DLC1: variants seen among roughly 807,000 people sequenced by gnomAD.
DLC1 encodes the protein rho GTPase-activating protein 7.
DLC1 carries 54 observed loss-of-function variants against 140.3 expected under a neutral mutation model. The ratio of observed to expected loss-of-function variants is 0.38; its 90% CI spans 0.31 to 0.48. The LOEUF (loss-of-function observed/expected upper bound fraction) is 0.48, where lower values mean the gene tolerates loss of function less well. Among genes scored for constraint, DLC1 ranks in the 20% least tolerant of loss-of-function variants. The pLI is 0.96. For missense variants in DLC1, 2,536 were observed against 1,907.0 expected, an observed-to-expected ratio of 1.33 and a Z score of -6.14; for synonymous variants, 986 against 728.1, an observed-to-expected ratio of 1.35 and a Z score of -5.70.
chr8:13,125,003 G>C (rs761099291), intron 5 of DLC1, among the ~76,000 whole-genome samples: 2 of 151,128 alleles, frequency 1.3e-5, no homozygotes, highest in African/African-American at 4.9e-5. Context: ...TTGAGACAGA[G>C]TCTCACTGTG....
At chr8:13,159,661 A>C (rs1010531005) in intron 5 of DLC1, among the ~76,000 whole-genome samples, 2 of 152,056 alleles carry the variant, frequency 1.3e-5, no homozygotes, top group South Asian at 2.1e-4. Context: ...GGTACTACAG[A>C]ACAGAGCCCA....
chr8:13,180,341 G>A (rs909646969), intron 5 of DLC1, among the ~76,000 whole-genome samples: 1 of 151,970 alleles, frequency 6.6e-6, no homozygotes, highest in Non-Finnish European at 1.5e-5. Context: ...CCTTTTTTGT[G>A]TGTGTCACAC....
Position 13,547,980 on chromosome 8 carries a change from C to G in DLC1, c.-125-47784G>C, listed in dbSNP as rs575667529. Among the ~76,000 whole-genome samples, 5 of 152,124 alleles carry G rather than the reference C, an allele frequency of 3.3e-5. No homozygotes were observed. The East Asian group carries it at 9.7e-4, about 29-fold the overall frequency. The stretch of plus-strand genomic sequence containing the variant: ...CACCTTTAAAAATTATTCTCAACCA[C>G]CTATAGTTCTACATGCATGAATTTA... On this transcript the variant is annotated intron_variant, in intron 1 of 1. Transcript: ENST00000631382.
In DLC1 at chr8:13,238,615, G is replaced by C. The variant is rs537416086; in HGVS notation, c.1348+66654C>G. Among the ~76,000 whole-genome samples, 4 of 152,210 alleles carry C rather than the reference G, an allele frequency of 2.6e-5. 1 individual carries two copies. The South Asian group carries it at 8.3e-4, about 32-fold the overall frequency. On this transcript the variant is annotated intron_variant, in intron 5 of 17. Coordinates refer to ENST00000276297, the MANE Select transcript of DLC1 (RefSeq NM_182643.3). ...CAGTACCCTTTAACAATTAGAAAAAGGCCTCCCTTCCTTAATCAGCTCCCC... is the reference window on the plus strand; with the variant it reads ...CAGTACCCTTTAACAATTAGAAAAACGCCTCCCTTCCTTAATCAGCTCCCC...
intron 5 of DLC1, among the ~76,000 whole-genome samples, chr8:13,249,155 C>A (rs1307436824): frequency 6.6e-6 from 1 of 152,322 alleles, no homozygotes. Flanking sequence ...TCGCTCACTG[C>A]AACCTCTGCC....
At chr8:13,542,855 A>G (rs1161468322) in intron 1 of DLC1, among the ~76,000 whole-genome samples, 1 of 152,100 alleles carries the variant, frequency 6.6e-6, no homozygotes, top group Non-Finnish European at 1.5e-5. Flanking sequence ...TGGTTCTAAT[A>G]ACTTTTTTGT....
At chr8:13,112,769 A>G (rs1417149472) in intron 6 of DLC1, among the ~76,000 whole-genome samples, 2 of 151,944 alleles carry the variant, frequency 1.3e-5, no homozygotes, top group African/African-American at 2.4e-5. Context: ...TTGGCCTTGA[A>G]CTCCTGGCCT....
chr8:13,462,370 A>G (rs960636399), intron 2 of DLC1, among the ~76,000 whole-genome samples: 1 of 151,966 alleles, frequency 6.6e-6, no homozygotes, highest in Admixed American at 6.6e-5. Context: ...TATCCTGAAC[A>G]AGAGGAATAA....
intron 1 of DLC1, among the ~76,000 whole-genome samples, chr8:13,556,584 G>C (rs1295626775): frequency 1.3e-5 from 2 of 152,116 alleles, no homozygotes; most frequent in African/African-American, 2.4e-5. Context: ...TCTGGGCAGA[G>C]GTCATAAGCA....
intron 2 of DLC1, among the ~76,000 whole-genome samples, chr8:13,462,627 C>T (rs956503554): frequency 6.6e-6 from 1 of 152,042 alleles, no homozygotes; most frequent in African/African-American, 2.4e-5. Context: ...AGGATGGTCT[C>T]GATCTCCTGA....
At chr8:13,590,864 A>G (rs904159249) in intron 1 of DLC1, among the ~76,000 whole-genome samples, 6 of 152,160 alleles carry the variant, frequency 3.9e-5, no homozygotes. Flanking sequence ...CTTAAGCACA[A>G]ATACAAATAT....
chr8:13,565,696 A>G (rs1161139930), intron 1 of DLC1, among the ~76,000 whole-genome samples: 1 of 152,168 alleles, frequency 6.6e-6, no homozygotes, highest in Non-Finnish European at 1.5e-5. Flanking sequence ...AAACACAGGA[A>G]GAAAGAGAGA....
intron 2 of DLC1, among the ~76,000 whole-genome samples, chr8:13,470,962 C>T (rs767433673): frequency 1.3e-5 from 2 of 151,974 alleles, no homozygotes; most frequent in South Asian, 2.1e-4. Flanking sequence ...TATTATTTAG[C>T]CAAAAATAGA....
intron 1 of DLC1, among the ~76,000 whole-genome samples, chr8:13,539,777 TAC>T (rs1308626028): frequency 3.3e-5 from 5 of 151,488 alleles, no homozygotes; most frequent in Non-Finnish European, 5.9e-5. Flanking sequence ...TGTGTGTGTG[TAC>T]ATTTTATAGT....
chr8:13,526,809 T>G (rs1233096565), intron 1 of DLC1, among the ~76,000 whole-genome samples: 1 of 152,078 alleles, frequency 6.6e-6, no homozygotes, highest in African/African-American at 2.4e-5. Flanking sequence ...CATTAGGAGA[T>G]ATACCTAATG....
intron 2 of DLC1, among the ~76,000 whole-genome samples, chr8:13,471,702 G>T (rs957787149): frequency 2.0e-5 from 3 of 151,946 alleles, no homozygotes; most frequent in African/African-American, 4.8e-5. Context: ...TAAAAAAAGA[G>T]AGAAGGGAGA....
At chr8:13,250,129 G>A (rs1829940243) in intron 5 of DLC1, among the ~76,000 whole-genome samples, 1 of 152,170 alleles carries the variant, frequency 6.6e-6, no homozygotes, top group Admixed American at 6.5e-5. Flanking sequence ...CCTGGAACAT[G>A]GAATAGGATC....
At chr8:13,444,300 G>A (rs545821369) in intron 2 of DLC1, among the ~76,000 whole-genome samples, 5 of 152,238 alleles carry the variant, frequency 3.3e-5, no homozygotes, top group Admixed American at 6.5e-5. Flanking sequence ...GGGCCTGACC[G>A]GTGGTGCGGG....
chr8:13,289,150 A>T (rs1017048716), intron 5 of DLC1, among the ~76,000 whole-genome samples: 1 of 152,038 alleles, frequency 6.6e-6, no homozygotes, highest in African/African-American at 2.4e-5. Context: ...GTGCTCTATA[A>T]TTCCTTCACC....
Sources: allele counts gnomAD v4.1 joint callset (sites outside exome capture counted in the v4.1 genomes callset), GRCh38; gene constraint gnomAD v4.1.1; transcripts MANE v1.5; gene names NCBI Gene and HGNC (gene_info 2026-07-23, HGNC 2026-07-21).